Variants in DDR1 observed in about 807,000 individuals in gnomAD.
The protein encoded by DDR1 is epithelial discoidin domain-containing receptor 1.
DDR1 carries 64 observed loss-of-function variants against 97.4 expected under a neutral mutation model. The observed-to-expected ratio is 0.66, with a 90% confidence interval of 0.54 to 0.81. DDR1 has a LOEUF of 0.81. Ranked by LOEUF, DDR1 falls within the 30% of genes least tolerant of loss-of-function variation. DDR1 has a pLI of 0.00. For synonymous variants in DDR1, 458 were observed against 503.7 expected, an observed-to-expected ratio of 0.91 and a Z score of 1.21; for missense variants, 990 against 1,259.6, an observed-to-expected ratio of 0.79 and a Z score of 3.24.
rs1012085513 is a variant in DDR1, at chr6:30,884,985, G to A, written c.-43+275G>A. On this transcript the variant is annotated intron_variant, in intron 1 of 17. Transcript: ENST00000376568. This position sits in a 1 kb window ranked among gnomAD's most constrained non-coding sequence, Gnocchi z 6.1. ...AGGCAAGTCCCCTCTCACTCAGTGC[G>A]GAGGAACTGAGCCCCGGGAGGAGGT... 11 of 523,408 alleles carry A rather than the reference G, an allele frequency of 2.1e-5. No homozygotes were observed. The Admixed American group carries it at 3.3e-4, about 16-fold the overall frequency. 32.4% of individuals were successfully genotyped at this position (523,408 alleles called of 1,614,324 possible).
Position 30,894,604 on chromosome 6 carries a change from C to A in DDR1, c.1446C>A (p.Pro482=). The change falls in exon 11 of 18, where the codon CCC becomes CCA. Residue 482 remains proline (P), a synonymous_variant. Transcript: ENST00000376568. The surrounding 1 kb of genome is among the most constrained non-coding windows in gnomAD (Gnocchi z 5.7). ...ACCGCCCAGGTCCTAGAGAGCCACCCCCGTACCAGGAGCCCCGGCCTCGTG... is the reference window on the plus strand; with the variant it reads ...ACCGCCCAGGTCCTAGAGAGCCACCACCGTACCAGGAGCCCCGGCCTCGTG... ...INNRPGPREP[P]PYQEPRPRGN... The A allele has an allele frequency of 6.2e-7, 1 of 1,613,482 alleles. No homozygotes were observed. Among genetic ancestry groups the A allele is most frequent in the Non-Finnish European group, 8.5e-7 (1 of 1,179,682 alleles).
Position 30,889,079 on chromosome 6 carries a change from A to C in DDR1, c.188+69A>C. 6.3e-7 allele frequency: 1 copy of C among 1,588,972 alleles called. No individual in the cohort carries two copies. Among genetic ancestry groups the C allele is most frequent in the South Asian group, 1.1e-5 (1 of 90,314 alleles). ...CTCCTGGGACCTCTACTTCCCCTCC[A>C]ACCCCTCTGCCCATGCCAGTGAAAC... On this transcript the variant is annotated intron_variant, in intron 3 of 17. Coordinates refer to ENST00000376568, the MANE Select transcript of DDR1 (RefSeq NM_001297654.2). This position sits in a 1 kb window ranked among gnomAD's most constrained non-coding sequence, Gnocchi z 4.9.
rs765754741 is a variant in DDR1 at position 30,900,062 on chromosome 6, A to T, written c.*766A>T. ...GGGGTTTGTACATTTTTGGGGGGAG[A>T]GACACAGATTTTTACACTAATATAT... On this transcript the variant is annotated 3_prime_UTR_variant, in exon 18 of 18. Coordinates refer to ENST00000376568, the MANE Select transcript of DDR1 (RefSeq NM_001297654.2). 1.7e-6 allele frequency: 1 copy of T among 596,682 alleles called. No homozygotes were observed. Among genetic ancestry groups the T allele is most frequent in the Non-Finnish European group, 3.2e-6 (1 of 307,898 alleles). The allele number at this position is 596,682 out of a possible 1,614,324, so 37.0% of individuals were successfully genotyped here.
chr6:30,893,057 C>T lies in DDR1; in HGVS notation c.1100-11C>T, dbSNP rs754011805. 22 of 1,606,402 alleles carry T rather than the reference C, an allele frequency of 1.4e-5. No individual in the cohort carries two copies. In the South Asian group the frequency reaches 2.3e-4, roughly 17 times the overall value. ...TTACCTCCCTCCTTTCTTTTTGTTC[C>T]TTCTCCCCAGATGTGGTGAACAATT... On this transcript the variant is annotated splice_polypyrimidine_tract_variant and intron_variant, in intron 8 of 17. Transcript: ENST00000376568.
At position 30,894,742 on chromosome 6, in the gene DDR1, C is replaced by T; in HGVS notation, c.1513+71C>T. 1 of 1,457,184 alleles carries T rather than the reference C, an allele frequency of 6.9e-7. No homozygotes were observed. Among genetic ancestry groups the T allele is most frequent in the Non-Finnish European group, 9.1e-7 (1 of 1,094,082 alleles). 90.3% of individuals were successfully genotyped at this position (1,457,184 alleles called of 1,614,324 possible). A position where few individuals can be genotyped will look rare whatever the true frequency, so the allele number is the denominator to read the frequency against. On this transcript the variant is annotated intron_variant, in intron 11 of 17. Coordinates refer to ENST00000376568, the MANE Select transcript of DDR1 (RefSeq NM_001297654.2). This position sits in a 1 kb window ranked among gnomAD's most constrained non-coding sequence, Gnocchi z 5.7. The stretch of plus-strand genomic sequence containing the variant: ...TTTCTTATTGTATCCCTTTCCCATT[C>T]TCTTTTTTTCCTGTCTTCCCCAGTT...
Position 30,899,241 on chromosome 6 carries a change from C to T in DDR1, c.2687C>T (p.Pro896Leu), listed in dbSNP as rs2150485421. 5.0e-6 allele frequency: 8 copies of T among 1,614,186 alleles called. No individual in the cohort carries two copies. Among genetic ancestry groups the T allele is most frequent in the Non-Finnish European group, 6.8e-6 (8 of 1,180,014 alleles). The change falls in exon 18 of 18, where the codon CCA becomes CTA. Residue 896 changes from proline to leucine, a missense_variant. Coordinates refer to ENST00000376568, the MANE Select transcript of DDR1 (RefSeq NM_001297654.2). The part of the protein sequence containing the change: ...RCWSRESEQR[P>L]PFSQLHRFLA... ...TGGAGCCGGGAGTCTGAGCAGCGAC[C>T]ACCCTTTTCCCAGCTGCATCGGTTC...
At chr6:30,885,720 CTCTG>C in intron 1 of DDR1, 3 of 1,299,480 alleles carry the variant, frequency 2.3e-6, no homozygotes, top group Non-Finnish European at 3.0e-6. Context: ...TCTGTGTTTG[CTCTG>C]TCTCAGAAAC....
upstream of DDR1, among the ~76,000 whole-genome samples, chr6:30,882,165 G>A (rs1246434322): frequency 1.3e-5 from 2 of 152,202 alleles, no homozygotes; most frequent in African/African-American, 4.8e-5. The surrounding 1 kb of genome is among the most constrained non-coding windows in gnomAD (Gnocchi z 4.8). Context: ...CCTCTCGCTC[G>A]CTGGTCGTGC....
rs759175380 is a variant in DDR1 at position 30,889,151 on chromosome 6, A to T, written c.189-51A>T. ...ATGAAGTGGGGTTTAAATACTGGAG[A>T]TGGAGGCAGACCTGGGGCCAGATGT... On this transcript the variant is annotated intron_variant, in intron 3 of 17. Transcript: ENST00000376568. This position sits in a 1 kb window ranked among gnomAD's most constrained non-coding sequence, Gnocchi z 4.9. 103 of 1,599,278 alleles carry T rather than the reference A, an allele frequency of 6.4e-5. No individual in the cohort carries two copies. The highest frequency in any genetic ancestry group is 8.3e-5 in the Non-Finnish European group (97 of 1,168,192).
rs1347569792 is a variant in DDR1 at position 30,893,255 on chromosome 6, C to A, written c.1196-17C>A. On this transcript the variant is annotated splice_polypyrimidine_tract_variant and intron_variant, in intron 9 of 17. Coordinates refer to ENST00000376568, the MANE Select transcript of DDR1 (RefSeq NM_001297654.2). ...GGTGGGACCCTCCTGTGGTGCTGACCCTGCTGCCTCCACCAGAGCTGGAGC... is the reference window on the plus strand; with the variant it reads ...GGTGGGACCCTCCTGTGGTGCTGACACTGCTGCCTCCACCAGAGCTGGAGC... The A allele has an allele frequency of 3.7e-6, 6 of 1,602,170 alleles. No homozygotes were observed. Among genetic ancestry groups the A allele is most frequent in the Non-Finnish European group, 5.1e-6 (6 of 1,178,628 alleles).
chr6:30,898,240 A>T lies in DDR1; in HGVS notation c.2384A>T (p.Asp795Val). The T allele has an allele frequency of 6.2e-7, 1 of 1,614,194 alleles. No homozygotes were observed. ...ATGAGCCGGAACCTCTATGCTGGGG[A>T]CTATTACCGTGTGCAGGGCCGGGCA... is the stretch of plus-strand genomic sequence containing the variant. ...FGMSRNLYAG[D>V]YYRVQGRAVL... The change falls in exon 16 of 18, where the codon GAC becomes GTC. Residue 795 changes from aspartate to valine, a missense_variant. By Grantham distance (152) the Asp-to-Val change is radical. Coordinates refer to ENST00000376568, the MANE Select transcript of DDR1 (RefSeq NM_001297654.2).
In DDR1 at chr6:30,896,677, C is replaced by A. The variant is rs1362972477; in HGVS notation, c.1681C>A (p.Pro561Thr). 3 of 1,613,180 alleles carry A rather than the reference C, an allele frequency of 1.9e-6. No individual in the cohort carries two copies. Among genetic ancestry groups the A allele is most frequent in the Non-Finnish European group, 2.5e-6 (3 of 1,179,646 alleles). The change falls in exon 13 of 18, where the codon CCT becomes ACT. Residue 561 changes from proline to threonine, a missense_variant. Physicochemically the swap from Pro to Thr is conservative, Grantham distance 38. Transcript: ENST00000376568. ...EKPGAPLLPPPPQNSVPHYAE... is the reference protein window; with the variant it reads ...EKPGAPLLPPTPQNSVPHYAE... ...GCCAGGCGCCCCGCTTCTGCCCCCA[C>A]CTCCCCAGAACAGCGTCCCCCATTA...
Position 30,892,290 on chromosome 6 carries a change from C to G in DDR1, c.853-6C>G. On this transcript the variant is annotated splice_polypyrimidine_tract_variant and splice_region_variant and intron_variant, in intron 7 of 17. Coordinates refer to ENST00000376568, the MANE Select transcript of DDR1 (RefSeq NM_001297654.2). ...TTGACCCTGTGCCCTCTTCCCTTCC[C>G]CCCAGGTCCACTGTAACAACATGCA... is the stretch of plus-strand genomic sequence containing the variant. The G allele has an allele frequency of 6.3e-7, 1 of 1,577,348 alleles. No individual in the cohort carries two copies.
At position 30,897,312 on chromosome 6, in the gene DDR1, TG is replaced by T. The variant is rs759391873; in HGVS notation, c.1998-62del. 1.9e-6 allele frequency: 1 copy of T among 527,518 alleles called. No individual in the cohort carries two copies. The highest frequency in any genetic ancestry group is 2.7e-6 in the Non-Finnish European group (1 of 367,784). The allele number at this position is 527,518 out of a possible 1,614,324, so 32.7% of individuals were successfully genotyped here. On this transcript the variant is annotated intron_variant, in intron 14 of 17. Coordinates refer to ENST00000376568, the MANE Select transcript of DDR1 (RefSeq NM_001297654.2). The surrounding 1 kb of genome is among the most constrained non-coding windows in gnomAD (Gnocchi z 5.2). ...GTCTGCCTGAGGTGGGGCAGGGGGG[TG>T]GGGGCGCGGGGGAAGGTGCAGGCCG...
Position 30,892,449 on chromosome 6 carries a change from G to A in DDR1, c.1006G>A (p.Val336Met), listed in dbSNP as rs1157651197. The A allele has an allele frequency of 6.2e-7, 1 of 1,609,020 alleles. No individual in the cohort carries two copies. ...GGACCCCAGAGCCCGGGCTGTCTCA[G>A]TGCCCCTTGGCGGCCGTGTGGCTCG... ...LGDPRARAVS[V>M]PLGGRVARFL... The change falls in exon 8 of 18, where the codon GTG (valine) becomes ATG (methionine). Residue 336 changes from valine (V) to methionine (M), a missense_variant. By Grantham distance (21) the Val-to-Met change is conservative. Transcript: ENST00000376568.
chr6:30,892,936 C>A, intron 8 of DDR1, 132 bp from the exon 9 acceptor site: 2 of 788,390 alleles, frequency 2.5e-6, no homozygotes, highest in East Asian at 2.6e-5. Flanking sequence ...TCCCCCAGCC[C>A]CCACTGGTCA....
In DDR1 at chr6:30,899,148, C is replaced by A. The variant is rs2150480612; in HGVS notation, c.2602-8C>A. On this transcript the variant is annotated splice_region_variant and splice_polypyrimidine_tract_variant and intron_variant, in intron 17 of 17. Transcript: ENST00000376568. ...TCCCTGACTCTCATCCACACTGCCA[C>A]AATGCAGGTGTACCTGTCCCGGCCG... The A allele has an allele frequency of 2.5e-6, 4 of 1,614,200 alleles. No homozygotes were observed. The highest frequency in any genetic ancestry group is 3.4e-6 in the Non-Finnish European group (4 of 1,180,020).
rs1323503276 is a variant in DDR1, at chr6:30,898,291, G to A, written c.2435G>A (p.Trp812Ter). The A allele has an allele frequency of 1.2e-6, 2 of 1,613,496 alleles. No homozygotes were observed. Among genetic ancestry groups the A allele is most frequent in the Non-Finnish European group, 1.7e-6 (2 of 1,179,510 alleles). The part of the protein sequence containing the change: ...RAVLPIRWMA[W>*]ECILMGKFTT... ...GTGCTGCCCATCCGCTGGATGGCCT[G>A]GGAGTGCATCCTCATGGTGAGCAGC... The change falls in exon 16 of 18, where the codon TGG (tryptophan) becomes TAG (stop). Residue 812 changes from tryptophan (W) to a stop codon, truncating the protein, a stop_gained. Coordinates refer to ENST00000376568, the MANE Select transcript of DDR1 (RefSeq NM_001297654.2). LOFTEE classifies it high-confidence loss of function.
In DDR1 at chr6:30,894,228, CAA is replaced by C. The variant is rs1225481984; in HGVS notation, c.1348-277_1348-276del. 2.0e-5 allele frequency among the ~76,000 whole-genome samples: 3 copies of C among 151,514 alleles called. No homozygotes were observed. Among genetic ancestry groups the C allele is most frequent in the Admixed American group, 1.3e-4 (2 of 15,218 alleles). On this transcript the variant is annotated intron_variant, in intron 10 of 17. Transcript: ENST00000376568. The surrounding 1 kb of genome is among the most constrained non-coding windows in gnomAD (Gnocchi z 5.7). ...TGCCATTTCACTTCAGCCTGGGCGACAAGAGCAAAATTCCATCTCAAAAAAAC... is the reference window on the plus strand; with the variant it reads ...TGCCATTTCACTTCAGCCTGGGCGACGAGCAAAATTCCATCTCAAAAAAAC...
Sources: allele counts gnomAD v4.1 joint callset (sites outside exome capture counted in the v4.1 genomes callset), GRCh38; gene constraint gnomAD v4.1.1; non-coding constraint Gnocchi (gnomAD v3.1); transcripts MANE v1.5; gene names NCBI Gene and HGNC (gene_info 2026-07-23, HGNC 2026-07-21).